Variants in NEXMIF observed in about 807,000 individuals in gnomAD.
NEXMIF encodes XLMR protein related to neurite extension.
Under a neutral mutation model 62.1 loss-of-function variants are expected in NEXMIF, and 8 were observed. The ratio of observed to expected loss-of-function variants is 0.13; its 90% CI spans 0.08 to 0.23. The LOEUF (loss-of-function observed/expected upper bound fraction) is 0.23. Ranked by LOEUF, NEXMIF falls within the 10% of genes least tolerant of loss-of-function variation. The pLI is 1.00. For synonymous variants in NEXMIF, 404 were observed against 416.6 expected (o/e 0.97, Z 0.37); for missense variants, 976 against 1,113.3 (o/e 0.88, Z 1.75).
intron 1 of NEXMIF, among the ~76,000 whole-genome samples, chrX:74,844,943 C>G (rs1349058888): frequency 8.9e-6 from 1 of 112,125 alleles, no homozygotes; most frequent in Non-Finnish European, 1.9e-5. Flanking sequence ...TTTAACTGGG[C>G]TAGGGCTTGC....
chrX:74,811,964 T>C (rs908322414), intron 1 of NEXMIF, among the ~76,000 whole-genome samples: 1 of 112,968 alleles, frequency 8.9e-6, no homozygotes, highest in African/African-American at 3.2e-5. Context: ...CATCTGAACA[T>C]AAGAGGAAGA....
At chrX:74,747,101 A>G (rs926615307) in intron 1 of NEXMIF, among the ~76,000 whole-genome samples, 1 of 111,933 alleles carries the variant, frequency 8.9e-6, no homozygotes. Flanking sequence ...TCATATTGCC[A>G]TCATGGATTA....
chrX:74,889,013 GC>G (rs1162159222), intron 1 of NEXMIF, among the ~76,000 whole-genome samples: 1 of 111,815 alleles, frequency 8.9e-6, no homozygotes, highest in Non-Finnish European at 1.9e-5. Flanking sequence ...AATAATCCAT[GC>G]CCTGCTTATA....
At chrX:74,917,183 G>A (rs1283556184) in intron 1 of NEXMIF, among the ~76,000 whole-genome samples, 2 of 111,667 alleles carry the variant, frequency 1.8e-5, no homozygotes. Flanking sequence ...GGGTCATGGG[G>A]GGCAGATTTC....
intron 1 of NEXMIF, among the ~76,000 whole-genome samples, chrX:74,885,115 C>T (rs1262557409): frequency 9.1e-6 from 1 of 110,227 alleles, no homozygotes; most frequent in East Asian, 2.8e-4. Flanking sequence ...AAAGACACAA[C>T]ATACCAGAAT....
At chrX:74,814,440 C>A (rs2080369676) in intron 1 of NEXMIF, among the ~76,000 whole-genome samples, 1 of 111,774 alleles carries the variant, frequency 8.9e-6, no homozygotes, top group Non-Finnish European at 1.9e-5. Flanking sequence ...TTTAGGGGAT[C>A]CACAATAGTA....
At chrX:74,809,113 C>A (rs1202967095) in intron 1 of NEXMIF, among the ~76,000 whole-genome samples, 2 of 111,398 alleles carry the variant, frequency 1.8e-5, no homozygotes, top group South Asian at 7.6e-4. Context: ...CAGAGAGCAG[C>A]ACCTTGATCT....
At chrX:74,862,275 A>C (rs190529346) in intron 1 of NEXMIF, among the ~76,000 whole-genome samples, 23 of 111,598 alleles carry the variant, frequency 2.1e-4, no homozygotes, top group African/African-American at 6.8e-4. Flanking sequence ...GGATCAATTC[A>C]ACAAGAAGAG....
chrX:74,785,075 C>T (rs935930296), intron 1 of NEXMIF, among the ~76,000 whole-genome samples: 4 of 111,280 alleles, frequency 3.6e-5, no homozygotes, highest in South Asian at 3.8e-4. Context: ...TGGTATCCTC[C>T]GGTCTCTGAC....
At chrX:74,802,853 C>T (rs912945293) in intron 1 of NEXMIF, among the ~76,000 whole-genome samples, 2 of 110,277 alleles carry the variant, frequency 1.8e-5, no homozygotes. Context: ...ATACATTTAG[C>T]AGAGATATTA....
chrX:74,907,155 C>T (rs1457499896), intron 1 of NEXMIF, among the ~76,000 whole-genome samples: 1 of 111,855 alleles, frequency 8.9e-6, no homozygotes, highest in Non-Finnish European at 1.9e-5. Context: ...CATCTAGCCA[C>T]ACAATACACC....
Position 74,749,034 on chromosome X carries a change from A to G in NEXMIF, c.-47-3337T>C, listed in dbSNP as rs560993130. 2.7e-5 allele frequency among the ~76,000 whole-genome samples: 3 copies of G among 111,842 alleles called. No homozygotes were observed. In the South Asian group the frequency reaches 1.1e-3, roughly 42 times the overall value. On this transcript the variant is annotated intron_variant, in intron 1 of 3. Transcript: ENST00000055682. ...CAAGTACAGCATAGAAAAGACAGAT[A>G]AATGAGGCTAGATCTCTGTTCTCAA... is the stretch of plus-strand genomic sequence containing the variant.
At chrX:74,862,002 C>A (rs769842775) in intron 1 of NEXMIF, among the ~76,000 whole-genome samples, 20 of 111,595 alleles carry the variant, frequency 1.8e-4, no homozygotes, top group Non-Finnish European at 1.9e-5. Flanking sequence ...ACAATATTAA[C>A]CTTAAATGTA....
At chrX:74,834,113 A>T (rs1393266041) in intron 1 of NEXMIF, among the ~76,000 whole-genome samples, 5 of 101,544 alleles carry the variant, frequency 4.9e-5, no homozygotes, top group Non-Finnish European at 1.0e-4. Flanking sequence ...CAGCCTGGGC[A>T]ACAAGAGCGA....
intron 1 of NEXMIF, among the ~76,000 whole-genome samples, chrX:74,910,163 G>A (rs932558060): frequency 1.8e-5 from 2 of 112,275 alleles, no homozygotes; most frequent in Non-Finnish European, 3.8e-5. Context: ...TCCACTGAAA[G>A]CTTGCACCAT....
At chrX:74,847,826 T>C (rs1250919948) in intron 1 of NEXMIF, among the ~76,000 whole-genome samples, 1 of 111,148 alleles carries the variant, frequency 9.0e-6, no homozygotes, top group African/African-American at 3.3e-5. Flanking sequence ...ATAATAATAT[T>C]AAATTAAATT....
chrX:74,890,619 T>G (rs1332225974), intron 1 of NEXMIF, among the ~76,000 whole-genome samples: 1 of 111,892 alleles, frequency 8.9e-6, no homozygotes, highest in African/African-American at 3.2e-5. Flanking sequence ...GCAAAAATAC[T>G]CAACAGAACC....
At chrX:74,862,210 C>T (rs1380133736) in intron 1 of NEXMIF, among the ~76,000 whole-genome samples, 1 of 110,969 alleles carries the variant, frequency 9.0e-6, no homozygotes, top group African/African-American at 3.3e-5. Context: ...ACAAAACAGA[C>T]TTTAAAACGA....
At chrX:74,761,277 G>A (rs2080175167) in intron 1 of NEXMIF, among the ~76,000 whole-genome samples, 1 of 111,638 alleles carries the variant, frequency 9.0e-6, no homozygotes, top group Non-Finnish European at 1.9e-5. Flanking sequence ...TTTTGGAATA[G>A]TTTTGGTAGG....
Sources: gnomAD v4.1 joint callset for allele counts (sites outside exome capture counted in the v4.1 genomes callset) on GRCh38, gnomAD v4.1.1 for gene constraint, MANE v1.5 for transcripts, NCBI Gene and HGNC (gene_info 2026-07-23, HGNC 2026-07-21) for gene names.